Variants in TRIM24 observed in about 807,000 individuals in gnomAD.
The protein encoded by TRIM24 is transcription intermediary factor 1-alpha.
A neutral mutation model predicts 123.9 loss-of-function variants in TRIM24; 29 were observed. That is an observed-to-expected ratio of 0.23 (90% CI 0.17 to 0.32). TRIM24 has a LOEUF of 0.32. TRIM24 is among the 10% of genes least tolerant of loss of function. TRIM24 has a pLI of 1.00. For missense variants in TRIM24, 932 were observed against 1,295.3 expected (o/e 0.72, Z 4.31); for synonymous variants, 456 against 461.1 (o/e 0.99, Z 0.14).
chr7:138,580,142 ATC>A (rs1219422256), intron 15 of TRIM24, among the ~76,000 whole-genome samples: 1 of 152,144 alleles, frequency 6.6e-6, no homozygotes, highest in Non-Finnish European at 1.5e-5. Flanking sequence ...CATTGGGTTG[ATC>A]TCTCAGTTCT....
At chr7:138,540,266 T>C (rs1391326129) in intron 7 of TRIM24, among the ~76,000 whole-genome samples, 3 of 152,232 alleles carry the variant, frequency 2.0e-5, no homozygotes, top group Non-Finnish European at 2.9e-5. Flanking sequence ...ATTGATTGAC[T>C]CTTTTTTAGT....
rs115295239 is a variant in TRIM24 at position 138,471,422 on chromosome 7, C to A, written c.364+10510C>A. Among the ~76,000 whole-genome samples, 588 of 152,030 alleles carry A rather than the reference C, an allele frequency of 3.9e-3. 3 individuals are homozygous for A. The highest frequency in any genetic ancestry group is 0.014 in the African/African-American group (563 of 41,498). The stretch of plus-strand genomic sequence containing the variant: ...TCAAAACCTTTTTCAAATGCCATAT[C>A]CTCTTTGACATTATGAAACCACCTT... On this transcript the variant is annotated intron_variant, in intron 1 of 18. Transcript: ENST00000343526.
chr7:138,517,429 G>T (rs1391000814), intron 3 of TRIM24, among the ~76,000 whole-genome samples: 1 of 151,822 alleles, frequency 6.6e-6, no homozygotes, highest in African/African-American at 2.4e-5. Flanking sequence ...GGAGTGCAGT[G>T]GTGCGATCTC....
At chr7:138,553,779 G>A (rs1797260189) in intron 8 of TRIM24, among the ~76,000 whole-genome samples, 2 of 152,106 alleles carry the variant, frequency 1.3e-5, no homozygotes, top group South Asian at 4.1e-4. Flanking sequence ...TCTTTCAGGG[G>A]ACCACAAAGG....
intron 18 of TRIM24, among the ~76,000 whole-genome samples, chr7:138,584,437 A>C (rs1458897304): frequency 6.6e-6 from 1 of 152,176 alleles, no homozygotes; most frequent in East Asian, 1.9e-4. Flanking sequence ...TACTACATTT[A>C]ATTTGTTCTA....
chr7:138,587,102 A>T lies in TRIM24; in HGVS notation c.*2151A>T, dbSNP rs1798033020. ...CGCAGTGGCTCACACCTGCAATCCC[A>T]CCAGCACTTTGGGAGGCCAAGGTGG... On this transcript the variant is annotated 3_prime_UTR_variant, in exon 19 of 19. Transcript: ENST00000343526. The T allele has an allele frequency of 6.6e-6, 1 of 152,086 alleles. No individual in the cohort carries two copies. The highest frequency in any genetic ancestry group is 1.5e-5 in the Non-Finnish European group (1 of 68,006). 9.4% of individuals were successfully genotyped at this position (152,086 alleles called of 1,614,324 possible).
rs771113951 is a variant in TRIM24 at position 138,570,851 on chromosome 7, G to A, written c.1726G>A (p.Gly576Arg). ...IKQWQISSGQ[G>R]TPSTTNSTSS... ...GTAGTGGCAGATCAGCAGTGGACAG[G>A]GAACCCCATCAACTACCAACAGCAC... Residue 576 changes from glycine to arginine, a missense_variant, in exon 11 of 19, where the codon GGA becomes AGA. This residue lies in a region of TRIM24 where 527 missense variants were observed against 691.3 expected (regional missense o/e 0.76). Coordinates refer to ENST00000343526, the MANE Select transcript of TRIM24 (RefSeq NM_015905.3). 5 of 1,613,774 alleles carry A rather than the reference G, an allele frequency of 3.1e-6. No homozygotes were observed. The highest frequency in any genetic ancestry group is 2.2e-5 in the East Asian group (1 of 44,894).
At chr7:138,519,124 TC>T in intron 3 of TRIM24, 64 bp from the exon 4 acceptor site, 5 of 1,585,398 alleles carry the variant, frequency 3.2e-6, no homozygotes, top group Non-Finnish European at 4.3e-6. Flanking sequence ...AAATGAGCAA[TC>T]TAATAATTAT....
intron 1 of TRIM24, among the ~76,000 whole-genome samples, chr7:138,483,283 A>G (rs1003627297): frequency 1.3e-5 from 2 of 152,138 alleles, no homozygotes; most frequent in African/African-American, 2.4e-5. Flanking sequence ...AAATCTTTCT[A>G]ATTCTAGTAA....
At chr7:138,477,934 C>T (rs76859177) in intron 1 of TRIM24, among the ~76,000 whole-genome samples, 9,711 of 152,108 alleles carry the variant, frequency 0.064, 786 homozygotes, top group East Asian at 0.34. Flanking sequence ...GCAGTTCTGT[C>T]GGAAAGTTTG....
chr7:138,488,042 G>C (rs975277515), intron 1 of TRIM24, among the ~76,000 whole-genome samples: 1 of 151,932 alleles, frequency 6.6e-6, no homozygotes, highest in Non-Finnish European at 1.5e-5. Flanking sequence ...GTCTATTCAG[G>C]GATTCAACTT....
intron 1 of TRIM24, chr7:138,461,151 G>A (rs930692786): frequency 4.3e-6 from 3 of 703,760 alleles, no homozygotes; most frequent in East Asian, 2.8e-5. Context: ...CGCCGCCGCC[G>A]CTGCTCCGCA....
chr7:138,529,073 T>A, intron 5 of TRIM24, 43 bp from the exon 6 acceptor site: 1 of 1,235,402 alleles, frequency 8.1e-7, no homozygotes, highest in Non-Finnish European at 1.1e-6. Context: ...TTAAATATTA[T>A]ACAAAAAAAC....
intron 9 of TRIM24, 94 bp downstream of exon 9, chr7:138,555,060 C>T: frequency 1.6e-6 from 2 of 1,281,650 alleles, no homozygotes; most frequent in African/African-American, 1.5e-5. Context: ...TTTCCATACT[C>T]TAAATATCTG....
At position 138,567,662 on chromosome 7, in the gene TRIM24, T is replaced by G; in HGVS notation, c.1704+8T>G. On this transcript the variant is annotated splice_region_variant and intron_variant, in intron 10 of 18. Coordinates refer to ENST00000343526, the MANE Select transcript of TRIM24 (RefSeq NM_015905.3). ...CAACAAGCCATAAAACAGGTATATA[T>G]CTACCTTCTTTTCTCAATTGCTTTT... 7 of 1,575,374 alleles carry G rather than the reference T, an allele frequency of 4.4e-6. No homozygotes were observed. Among genetic ancestry groups the G allele is most frequent in the Non-Finnish European group, 6.0e-6 (7 of 1,163,018 alleles).
At chr7:138,556,308 C>T (rs1197590532) in intron 9 of TRIM24, 1 of 152,050 alleles carries the variant, frequency 6.6e-6, no homozygotes, top group East Asian at 1.9e-4. Context: ...ATGTATTTTT[C>T]ACTGGGTCTG....
intron 4 of TRIM24, among the ~76,000 whole-genome samples, chr7:138,523,016 A>C (rs1291111897): frequency 6.6e-6 from 1 of 152,226 alleles, no homozygotes; most frequent in Non-Finnish European, 1.5e-5. Flanking sequence ...GATAAAGTCA[A>C]TTCACTAAAC....
chr7:138,545,051 T>C (rs1018264468), intron 7 of TRIM24, among the ~76,000 whole-genome samples: 2 of 152,222 alleles, frequency 1.3e-5, no homozygotes, highest in African/African-American at 4.8e-5. Context: ...TGTATAAAAT[T>C]GCTTTCAGGC....
rs1329816645 is a variant in TRIM24 at position 138,460,493 on chromosome 7, G to T, written c.-56G>T. 1 of 1,256,892 alleles carries T rather than the reference G, an allele frequency of 8.0e-7. No homozygotes were observed. 77.9% of individuals were successfully genotyped at this position (1,256,892 alleles called of 1,614,324 possible). A position where few individuals can be genotyped will look rare whatever the true frequency, so the allele number is the denominator to read the frequency against. On this transcript the variant is annotated 5_prime_UTR_variant, in exon 1 of 19. Coordinates refer to ENST00000343526, the MANE Select transcript of TRIM24 (RefSeq NM_015905.3). ...CCGCAGGAGGAGGAGGAGGTCGTCG[G>T]GGGCGGCGGGCGGAGACCGCGCTCT...
Sources: allele counts gnomAD v4.1 joint callset (sites outside exome capture counted in the v4.1 genomes callset), GRCh38; gene constraint gnomAD v4.1.1; regional missense constraint gnomAD v4.1.1; transcripts MANE v1.5; gene names NCBI Gene and HGNC (gene_info 2026-07-23, HGNC 2026-07-21).